Variants in CRADD observed in about 807,000 individuals in gnomAD.
The protein encoded by CRADD is CARD and death domain containing adaptor protein.
In CRADD, 9 loss-of-function variants were observed where a neutral mutation model predicts 15.5. The observed-to-expected ratio is 0.58, with a 90% CI of 0.35 to 1.01. The LOEUF is 1.01. Ranked by LOEUF, CRADD falls within the 50% of genes least tolerant of loss-of-function variation. CRADD has a pLI of 0.02. For synonymous variants in CRADD, 118 were observed against 107.6 expected (o/e 1.10, Z -0.60); for missense variants, 227 against 250.3 (o/e 0.91, Z 0.63).
At chr12:93,841,546 G>A (rs1289677037) in intron 2 of CRADD, among the ~76,000 whole-genome samples, 1 of 152,164 alleles carries the variant, frequency 6.6e-6, no homozygotes, top group Non-Finnish European at 1.5e-5. Context: ...CTATTTCAGT[G>A]TATTTCATAC....
chr12:93,876,012 A>G (rs1308580976), intron 2 of CRADD, among the ~76,000 whole-genome samples: 2 of 152,054 alleles, frequency 1.3e-5, no homozygotes, highest in African/African-American at 2.4e-5. Context: ...GAAACCCCTC[A>G]GCTTTTATTT....
chr12:93,870,504 T>C (rs920641539), intron 2 of CRADD, among the ~76,000 whole-genome samples: 1 of 152,180 alleles, frequency 6.6e-6, no homozygotes, highest in African/African-American at 2.4e-5. Context: ...CAGCCCCGTG[T>C]TGCAGGAGCT....
intron 2 of CRADD, among the ~76,000 whole-genome samples, chr12:93,771,202 C>G (rs1957081949): frequency 6.6e-6 from 1 of 152,122 alleles, no homozygotes; most frequent in Non-Finnish European, 1.5e-5. Context: ...CTTTCTGTCT[C>G]CTTGGAATTG....
intron 2 of CRADD, among the ~76,000 whole-genome samples, chr12:93,859,112 A>G (rs1958298558): frequency 6.6e-6 from 1 of 152,240 alleles, no homozygotes; most frequent in Non-Finnish European, 1.5e-5. Context: ...TTACATGCAC[A>G]GTGGGGCATA....
chr12:93,811,429 G>A (rs1957625301), intron 2 of CRADD, among the ~76,000 whole-genome samples: 1 of 152,180 alleles, frequency 6.6e-6, no homozygotes, highest in Admixed American at 6.5e-5. Context: ...ATTCAGCAGA[G>A]GCTGGCTACC....
chr12:93,837,861 G>T (rs573366827), intron 2 of CRADD: 8 of 152,320 alleles, frequency 5.3e-5, no homozygotes, highest in African/African-American at 1.7e-4. Context: ...CGGCTAGGTA[G>T]TAGCAGATTC....
chr12:93,840,560 CTTT>C (rs59758072), intron 2 of CRADD, among the ~76,000 whole-genome samples: 198 of 149,906 alleles, frequency 1.3e-3, no homozygotes, highest in African/African-American at 4.3e-3. Flanking sequence ...TAACTAATTT[CTTT>C]TTTTTTTTTC....
chr12:93,750,818 T>C (rs1956820499), intron 2 of CRADD, among the ~76,000 whole-genome samples: 2 of 152,208 alleles, frequency 1.3e-5, no homozygotes, highest in Non-Finnish European at 2.9e-5. Context: ...TATCATACCA[T>C]GTAACTTTTA....
At chr12:93,835,585 T>C (rs1396267400) in intron 2 of CRADD, among the ~76,000 whole-genome samples, 1 of 152,164 alleles carries the variant, frequency 6.6e-6, no homozygotes, top group African/African-American at 2.4e-5. Flanking sequence ...ATGGATTATA[T>C]TTTTTCTCCT....
At chr12:93,704,510 A>G (rs1048859689) in intron 2 of CRADD, among the ~76,000 whole-genome samples, 3 of 152,152 alleles carry the variant, frequency 2.0e-5, no homozygotes, top group African/African-American at 7.2e-5. Flanking sequence ...TCCATTAGCA[A>G]GTCTTCTACA....
chr12:93,694,490 G>A (rs1955652643), intron 2 of CRADD, among the ~76,000 whole-genome samples: 1 of 152,092 alleles, frequency 6.6e-6, no homozygotes, highest in Admixed American at 6.5e-5. Context: ...GCAAGATAAA[G>A]AAATAAAAGG....
At chr12:93,887,090 C>T (rs1958542960) in intron 2 of CRADD, among the ~76,000 whole-genome samples, 1 of 152,108 alleles carries the variant, frequency 6.6e-6, no homozygotes, top group South Asian at 2.1e-4. Flanking sequence ...TAGTGTAACA[C>T]AGGGAGGGTT....
intron 2 of CRADD, among the ~76,000 whole-genome samples, chr12:93,886,634 G>C (rs974143035): frequency 1.2e-4 from 18 of 152,172 alleles, no homozygotes; most frequent in Non-Finnish European, 2.1e-4. Flanking sequence ...TTCTATGTGG[G>C]ATTAAGTTTT....
At chr12:93,788,618 G>C (rs1957309453) in intron 2 of CRADD, among the ~76,000 whole-genome samples, 1 of 152,170 alleles carries the variant, frequency 6.6e-6, no homozygotes, top group Non-Finnish European at 1.5e-5. Context: ...TGATTTTAAA[G>C]GGAGGGTGTG....
At chr12:93,680,721 G>A (rs1955266235) in intron 2 of CRADD, among the ~76,000 whole-genome samples, 1 of 152,088 alleles carries the variant, frequency 6.6e-6, no homozygotes, top group African/African-American at 2.4e-5. Flanking sequence ...AATTATTGGT[G>A]TTTTCCTGAT....
chr12:93,737,939 A>G (rs1956603639), intron 2 of CRADD: 1 of 251,272 alleles, frequency 4.0e-6, no homozygotes, highest in African/African-American at 2.2e-5. Context: ...GGACTGAGGA[A>G]GAATTTCAGG....
intron 2 of CRADD, among the ~76,000 whole-genome samples, chr12:93,747,599 G>T (rs892649076): frequency 6.6e-6 from 1 of 151,960 alleles, no homozygotes; most frequent in Non-Finnish European, 1.5e-5. Flanking sequence ...CTCCCAAGTA[G>T]CTGGGCCTAC....
Position 93,756,536 on chromosome 12 carries a change from G to A in CRADD, c.298+77464G>A, listed in dbSNP as rs185983879. Among the ~76,000 whole-genome samples, 208 of 152,314 alleles carry A rather than the reference G, an allele frequency of 1.4e-3. 2 individuals are homozygous for A. Among genetic ancestry groups the A allele is most frequent in the East Asian group, 1.9e-4 (1 of 5,186 alleles). Reference sequence around the variant, plus strand: ...AGCCTGGATCTCTAAGGTCTAGAGCGGAGCTGGTTTAAGCTGTTTTATTCC... The same window carrying A: ...AGCCTGGATCTCTAAGGTCTAGAGCAGAGCTGGTTTAAGCTGTTTTATTCC... On this transcript the variant is annotated intron_variant, in intron 2 of 2. Transcript: ENST00000332896.
intron 2 of CRADD, among the ~76,000 whole-genome samples, chr12:93,729,780 C>T (rs902117791): frequency 1.4e-5 from 2 of 138,854 alleles, no homozygotes; most frequent in African/African-American, 2.9e-5. Flanking sequence ...AGAGAGACTC[C>T]GTCTCAAAAA....
Sources: allele counts gnomAD v4.1 joint callset (sites outside exome capture counted in the v4.1 genomes callset), GRCh38; gene constraint gnomAD v4.1.1; transcripts MANE v1.5; gene names NCBI Gene and HGNC (gene_info 2026-07-23, HGNC 2026-07-21).